Variants in COL5A2 observed in about 807,000 individuals in gnomAD.
COL5A2 encodes collagen type V alpha 2 chain, also known as collagen alpha-2(V) chain.
COL5A2 carries 23 observed loss-of-function variants against 208.2 expected under a neutral mutation model. The observed-to-expected ratio is 0.11, with a 90% CI of 0.08 to 0.16. The LOEUF is 0.16. Ranked by LOEUF, COL5A2 falls within the 10% of genes least tolerant of loss-of-function variation. COL5A2 has a pLI of 1.00. For missense variants in COL5A2, 1,590 were observed against 1,956.4 expected, an observed-to-expected ratio of 0.81 and a Z score of 3.53; for synonymous variants, 625 against 628.5, an observed-to-expected ratio of 0.99 and a Z score of 0.08.
the COL5A2 span, among the ~76,000 whole-genome samples, chr2:189,385,683 C>CA: frequency 6.6e-6 from 1 of 151,624 alleles, no homozygotes; most frequent in Non-Finnish European, 1.5e-5. Flanking sequence ...CAATCCTAAG[C>CA]AAAAGAACAA....
At chr2:189,320,167 G>A in the COL5A2 span, among the ~76,000 whole-genome samples, 2,586 of 152,218 alleles carry the variant, frequency 0.017, 76 homozygotes, top group African/African-American at 0.059. Context: ...CCATCTGTAC[G>A]TCACCATCAT....
At chr2:189,430,090 A>G in the COL5A2 span, among the ~76,000 whole-genome samples, 1 of 152,218 alleles carries the variant, frequency 6.6e-6, no homozygotes, top group African/African-American at 2.4e-5. Context: ...GGGCCACAGC[A>G]TATTAGTGGA....
At chr2:189,226,063 G>T (rs1394311025), upstream of COL5A2, among the ~76,000 whole-genome samples, 1 of 152,110 alleles carries the variant, frequency 6.6e-6, no homozygotes, top group Admixed American at 6.6e-5. Context: ...ATGCTTTTAT[G>T]AATATTAAAT....
the COL5A2 span, among the ~76,000 whole-genome samples, chr2:189,249,255 C>T: frequency 6.6e-6 from 1 of 152,114 alleles, no homozygotes; most frequent in Non-Finnish European, 1.5e-5. Context: ...GTTTACATGT[C>T]ATATTGAAAT....
At chr2:189,429,795 T>C in the COL5A2 span, among the ~76,000 whole-genome samples, 1 of 152,236 alleles carries the variant, frequency 6.6e-6, no homozygotes, top group Non-Finnish European at 1.5e-5. Flanking sequence ...TGACATTCTA[T>C]CTTCAGGTAT....
chr2:189,185,085 A>G (rs1446816291), intron 1 of COL5A2, among the ~76,000 whole-genome samples: 3 of 151,630 alleles, frequency 2.0e-5, no homozygotes. Context: ...GTGCAATGGC[A>G]TGATCTTGGC....
At chr2:189,191,250 C>T (rs1252468860) in intron 1 of COL5A2, among the ~76,000 whole-genome samples, 1 of 150,648 alleles carries the variant, frequency 6.6e-6, no homozygotes, top group African/African-American at 2.4e-5. Context: ...ACAGCTACAA[C>T]AGCAGGGACT....
chr2:189,217,793 T>G (rs960212897), intron 1 of COL5A2, among the ~76,000 whole-genome samples: 14 of 152,062 alleles, frequency 9.2e-5, no homozygotes, highest in Non-Finnish European at 7.4e-5. Flanking sequence ...TTTTCCTGAG[T>G]AGCTTGTCAC....
the COL5A2 span, among the ~76,000 whole-genome samples, chr2:189,369,554 T>A: frequency 2.0e-5 from 3 of 152,112 alleles, no homozygotes; most frequent in Non-Finnish European, 2.9e-5. Context: ...GTTTTTTGAA[T>A]ATCTATATAT....
chr2:189,434,812 A>T, the COL5A2 span, among the ~76,000 whole-genome samples: 1 of 152,354 alleles, frequency 6.6e-6, no homozygotes, highest in African/African-American at 2.4e-5. Context: ...TCTTCACAGA[A>T]TGAGAAAAAA....
At chr2:189,229,394 T>C (rs1689454029), upstream of COL5A2, among the ~76,000 whole-genome samples, 1 of 151,294 alleles carries the variant, frequency 6.6e-6, no homozygotes, top group South Asian at 2.1e-4. Context: ...CATGATCTTG[T>C]ATGTAGAAAA....
At chr2:189,049,210 G>T in intron 44 of COL5A2, 137 bp downstream of exon 44, 1 of 703,600 alleles carries the variant, frequency 1.4e-6, no homozygotes. Flanking sequence ...GGGAAGTAGA[G>T]TACATCAAAT....
chr2:189,196,434 A>AT (rs1173796264), intron 1 of COL5A2, among the ~76,000 whole-genome samples: 1 of 145,636 alleles, frequency 6.9e-6, no homozygotes, highest in Non-Finnish European at 1.5e-5. Context: ...ATATTTTATT[A>AT]TTTTGGGAAA....
chr2:189,294,796 C>T, the COL5A2 span, among the ~76,000 whole-genome samples: 3 of 152,066 alleles, frequency 2.0e-5, no homozygotes, highest in African/African-American at 7.2e-5. Flanking sequence ...AAATTACACA[C>T]TCTTTTTTGT....
intron 1 of COL5A2, among the ~76,000 whole-genome samples, chr2:189,203,709 G>A (rs1689107427): frequency 6.6e-6 from 1 of 152,102 alleles, no homozygotes; most frequent in South Asian, 2.1e-4. Context: ...AGAGGAACTG[G>A]TGACTCTTTA....
At chr2:189,118,248 T>C (rs1190621447) in intron 1 of COL5A2, among the ~76,000 whole-genome samples, 1 of 152,026 alleles carries the variant, frequency 6.6e-6, no homozygotes, top group Non-Finnish European at 1.5e-5. Context: ...AAAAAGAACA[T>C]ATATTTTTAC....
At chr2:189,263,737 A>G in the COL5A2 span, among the ~76,000 whole-genome samples, 1 of 152,158 alleles carries the variant, frequency 6.6e-6, no homozygotes, top group Non-Finnish European at 1.5e-5. Context: ...TAGATACACA[A>G]ATACATACCA....
intron 3 of COL5A2, among the ~76,000 whole-genome samples, chr2:189,100,581 T>C (rs1687028342): frequency 6.6e-6 from 1 of 151,936 alleles, no homozygotes. Context: ...TGACACATAG[T>C]TTTCAGGATC....
chr2:189,253,132 T>C, the COL5A2 span, among the ~76,000 whole-genome samples: 10 of 152,256 alleles, frequency 6.6e-5, no homozygotes, highest in Middle Eastern at 3.4e-3. Flanking sequence ...TGATGAGAGA[T>C]GGTGACAGCT....
Sources: allele counts gnomAD v4.1 joint callset (sites outside exome capture counted in the v4.1 genomes callset), GRCh38; gene constraint gnomAD v4.1.1; transcripts MANE v1.5; gene names NCBI Gene and HGNC (gene_info 2026-07-23, HGNC 2026-07-21).